GRB2: variants seen among roughly 807,000 people sequenced by gnomAD.
GRB2 encodes growth factor receptor-bound protein 2.
GRB2 carries 2 observed loss-of-function variants against 27.4 expected under a neutral mutation model. That is an observed-to-expected ratio of 0.07 (90% CI 0.03 to 0.23). GRB2 has a LOEUF of 0.23. Ranked by LOEUF, GRB2 falls within the 10% of genes least tolerant of loss-of-function variation. The probability of loss-of-function intolerance (pLI) is 1.00; values close to 1 mark genes in which losing one functional copy is unlikely to be tolerated. For missense variants in GRB2, 102 were observed against 282.4 expected (o/e 0.36, Z 4.58); for synonymous variants, 94 against 99.6 (o/e 0.94, Z 0.33).
At chr17:75,359,335 A>G (rs1180739730) in intron 2 of GRB2, among the ~76,000 whole-genome samples, 1 of 151,182 alleles carries the variant, frequency 6.6e-6, no homozygotes, top group African/African-American at 2.4e-5. Context: ...AGTGAGACCC[A>G]TGTCTACAAA....
chr17:75,339,688 G>A (rs1428894969), intron 2 of GRB2, among the ~76,000 whole-genome samples: 5 of 147,416 alleles, frequency 3.4e-5, no homozygotes, highest in South Asian at 4.3e-4. Flanking sequence ...GTGCAATGGC[G>A]CCATCTCAGC....
At chr17:75,378,075 T>C (rs2078905527) in intron 2 of GRB2, among the ~76,000 whole-genome samples, 1 of 151,896 alleles carries the variant, frequency 6.6e-6, no homozygotes. Context: ...TAGTCTTAGT[T>C]TCAGTTGACA....
rs577262203 is a variant in GRB2 at position 75,320,787 on chromosome 17, G to A, written c.469-234C>T. On this transcript the variant is annotated intron_variant, in intron 5 of 5. Coordinates refer to ENST00000316804, the MANE Select transcript of GRB2 (RefSeq NM_002086.5). This position sits in a 1 kb window ranked among gnomAD's most constrained non-coding sequence, Gnocchi z 4.3. ...AGAAAATATTAGAGTATGTCTCCCA[G>A]AGGAGGGTGGCCAACTGTGCCGTAT... Among the ~76,000 whole-genome samples, 5 of 152,270 alleles carry A rather than the reference G, an allele frequency of 3.3e-5. No homozygotes were observed. The East Asian group carries it at 9.6e-4, about 29-fold the overall frequency.
chr17:75,393,556 G>C lies in GRB2; in HGVS notation c.73C>G (p.Leu25Val). 2 of 1,613,522 alleles carry C rather than the reference G, an allele frequency of 1.2e-6. No individual in the cohort carries two copies. The highest frequency in any genetic ancestry group is 1.7e-6 in the Non-Finnish European group (2 of 1,179,388). Residue 25 changes from leucine to valine, a missense_variant, in exon 2 of 6, where the codon CTC (leucine) becomes GTC (valine). This residue lies in a region of GRB2 where 45 missense variants were observed against 110.6 expected (regional missense o/e 0.41). Transcript: ENST00000316804. ...DELSFKRGDI[L>V]KVLNEECDQN... ...TGCTCGGCATCAGCACTTACCTTGA[G>C]GATGTCCCCCCTTTTGAAGCTCAGC...
At chr17:75,356,379 G>C (rs1208897392) in intron 2 of GRB2, among the ~76,000 whole-genome samples, 2 of 151,958 alleles carry the variant, frequency 1.3e-5, no homozygotes, top group Admixed American at 1.3e-4. Context: ...GTGGTGGTGT[G>C]TACCTGTGGT....
chr17:75,396,180 T>G (rs2145874804), intron 1 of GRB2, among the ~76,000 whole-genome samples: 1 of 152,282 alleles, frequency 6.6e-6, no homozygotes, highest in Non-Finnish European at 1.5e-5. Context: ...TTCCCAGCAT[T>G]AGCAACTGCT....
intron 2 of GRB2, among the ~76,000 whole-genome samples, chr17:75,379,033 T>G (rs1243494284): frequency 6.6e-6 from 1 of 152,202 alleles, no homozygotes; most frequent in Non-Finnish European, 1.5e-5. Context: ...AGGTACACTT[T>G]AACAGAAATG....
rs568102301 is a variant in GRB2, at chr17:75,326,231, C to CGACTCACCAAGGCACT, written c.177-227_177-212dup. 1,755 of 574,984 alleles carry CGACTCACCAAGGCACT rather than the reference C, an allele frequency of 3.1e-3. 22 individuals are homozygous for CGACTCACCAAGGCACT. Among genetic ancestry groups the CGACTCACCAAGGCACT allele is most frequent in the African/African-American group, 0.03 (1,575 of 53,278 alleles). 35.6% of individuals were successfully genotyped at this position (574,984 alleles called of 1,614,324 possible). On this transcript the variant is annotated intron_variant, in intron 3 of 5. Coordinates refer to ENST00000316804, the MANE Select transcript of GRB2 (RefSeq NM_002086.5). ...TTAGCCTACTCCATTTCCCAGAAAG[C>CGACTCACCAAGGCACT]GACTCACCAAGGCACTAACCGTGGG...
intron 4 of GRB2, among the ~76,000 whole-genome samples, chr17:75,323,221 G>T (rs573301782): frequency 2.2e-4 from 33 of 151,946 alleles, no homozygotes; most frequent in African/African-American, 7.5e-4. Context: ...GGAAACCAAA[G>T]GCTTCAGAAA....
intron 2 of GRB2, among the ~76,000 whole-genome samples, chr17:75,345,345 G>A (rs1392369992): frequency 2.0e-5 from 3 of 152,014 alleles, no homozygotes; most frequent in South Asian, 2.1e-4. Context: ...CACCCCGCCC[G>A]ACAACAGAGT....
At chr17:75,339,086 G>A in intron 2 of GRB2, 1 of 1,364,400 alleles carries the variant, frequency 7.3e-7, no homozygotes, top group Admixed American at 1.7e-5. Context: ...GCTATTAAAA[G>A]ATGCAAGCAT....
chr17:75,381,508 G>C (rs1315956780), intron 2 of GRB2, among the ~76,000 whole-genome samples: 1 of 151,278 alleles, frequency 6.6e-6, no homozygotes, highest in Non-Finnish European at 1.5e-5. Flanking sequence ...CATGAGGTCA[G>C]GAGTTCGAGA....
chr17:75,370,204 C>T (rs1446430844), intron 2 of GRB2, among the ~76,000 whole-genome samples: 1 of 152,196 alleles, frequency 6.6e-6, no homozygotes, highest in Non-Finnish European at 1.5e-5. Flanking sequence ...AATATTCATA[C>T]ACCCCAAAAG....
rs1367503591 is a variant in GRB2 at position 75,318,301 on chromosome 17, C to A, written c.*2067G>T. On this transcript the variant is annotated 3_prime_UTR_variant, in exon 6 of 6. Coordinates refer to ENST00000316804, the MANE Select transcript of GRB2 (RefSeq NM_002086.5). ...AATGCCAGATTCCTTTTATCATCTGCGAGGAAAAGAGAAGCAGGATGAGGA... is the reference window on the plus strand; with the variant it reads ...AATGCCAGATTCCTTTTATCATCTGAGAGGAAAAGAGAAGCAGGATGAGGA... 6.6e-6 allele frequency: 1 copy of A among 151,996 alleles called. No homozygotes were observed. Among genetic ancestry groups the A allele is most frequent in the Admixed American group, 6.6e-5 (1 of 15,250 alleles). 9.4% of individuals were successfully genotyped at this position (151,996 alleles called of 1,614,324 possible).
chr17:75,386,692 T>C (rs2078965733), intron 2 of GRB2, among the ~76,000 whole-genome samples: 1 of 152,170 alleles, frequency 6.6e-6, no homozygotes, highest in African/African-American at 2.4e-5. Context: ...AGACTACTGA[T>C]ACCCTAACAT....
At chr17:75,333,872 A>C (rs546872062) in intron 2 of GRB2, among the ~76,000 whole-genome samples, 15 of 152,310 alleles carry the variant, frequency 9.8e-5, no homozygotes, top group African/African-American at 3.6e-4. Context: ...AACAAGATCA[A>C]TGGTCAACCC....
chr17:75,357,466 T>A (rs189373146), intron 2 of GRB2, among the ~76,000 whole-genome samples: 6 of 152,366 alleles, frequency 3.9e-5, no homozygotes, highest in Non-Finnish European at 8.8e-5. Flanking sequence ...ATATGATAAC[T>A]CTTTGTACAA....
chr17:75,393,644 G>A lies in GRB2; in HGVS notation c.-16C>T, dbSNP rs771581477. The stretch of plus-strand genomic sequence containing the variant: ...TGGCTTCCATTCTGAGCGCTGCTCA[G>A]TGCTCAGCAGCCTGAAGCAGGGGGA... On this transcript the variant is annotated 5_prime_UTR_variant, in exon 2 of 6. Coordinates refer to ENST00000316804, the MANE Select transcript of GRB2 (RefSeq NM_002086.5). 7.5e-6 allele frequency: 12 copies of A among 1,609,554 alleles called. No homozygotes were observed. In the South Asian group the frequency reaches 9.9e-5, roughly 13 times the overall value.
rs9896662 is a variant in GRB2, at chr17:75,330,282, G to T, written c.176+2418C>A. Among the ~76,000 whole-genome samples, 5 of 151,764 alleles carry T rather than the reference G, an allele frequency of 3.3e-5. No individual in the cohort carries two copies. The East Asian group carries it at 5.8e-4, about 18-fold the overall frequency. ...CTGTAATCCCAGCTACTCAGGAGGT[G>T]GAGGCAGGAGAATCCCTTGAACCAG... On this transcript the variant is annotated intron_variant, in intron 3 of 5. Coordinates refer to ENST00000316804, the MANE Select transcript of GRB2 (RefSeq NM_002086.5).
Sources: allele counts gnomAD v4.1 joint callset (sites outside exome capture counted in the v4.1 genomes callset), GRCh38; gene constraint gnomAD v4.1.1; regional missense constraint gnomAD v4.1.1; non-coding constraint Gnocchi (gnomAD v3.1); transcripts MANE v1.5; gene names NCBI Gene and HGNC (gene_info 2026-07-23, HGNC 2026-07-21).